NLRP7: variants seen among roughly 807,000 people sequenced by gnomAD.
The protein encoded by NLRP7 is NLR family pyrin domain containing 7.
NLRP7 carries 72 observed loss-of-function variants against 85.5 expected under a neutral mutation model. The observed-to-expected ratio is 0.84, with a 90% confidence interval of 0.70 to 1.02. The LOEUF (loss-of-function observed/expected upper bound fraction) is 1.02, where lower values mean the gene tolerates loss of function less well. Among genes scored for constraint, NLRP7 ranks in the 50% least tolerant of loss-of-function variants. The pLI is 0.00. For synonymous variants in NLRP7, 550 were observed against 505.2 expected, an observed-to-expected ratio of 1.09 and a Z score of -1.19; for missense variants, 1,243 against 1,219.5, an observed-to-expected ratio of 1.02 and a Z score of -0.29.
At chr19:54,939,933 C>A in exon 4 of NLRP7, 1 of 1,614,146 alleles carries the variant, frequency 6.2e-7, no homozygotes, top group Non-Finnish European at 8.5e-7. Context: ...ACCAGCAAGG[C>A]TGCCCTGGGT....
At chr19:54,943,225 G>GT (rs1569541266) in intron 1 of NLRP7, among the ~76,000 whole-genome samples, 1 of 152,078 alleles carries the variant, frequency 6.6e-6, no homozygotes, top group Non-Finnish European at 1.5e-5. Context: ...CAGGAGGATT[G>GT]TTTGAGCCTA....
At chr19:54,941,999 A>G (rs530097973) in intron 1 of NLRP7, among the ~76,000 whole-genome samples, 1 of 152,130 alleles carries the variant, frequency 6.6e-6, no homozygotes, top group Non-Finnish European at 1.5e-5. Context: ...CACGCCTGTA[A>G]TCCCAGCACT....
At chr19:54,923,783 G>A in exon 10 of NLRP7, 2 of 1,613,964 alleles carry the variant, frequency 1.2e-6, no homozygotes, top group Non-Finnish European at 1.7e-6. Flanking sequence ...TGCCCCGGAA[G>A]CATTGCAATC....
rs200338101 is a variant in NLRP7 at position 54,939,067 on chromosome 19, C to T, written c.1752G>A (p.Ala584=). Reference sequence around the variant, plus strand: ...CCTTGAACGGGGCCACCACCACCTTCGCCAGCTCCTCCTCCTGAGACTCAT... The same window carrying T: ...CCTTGAACGGGGCCACCACCACCTTTGCCAGCTCCTCCTCCTGAGACTCAT... Residue 584 remains alanine (A), a synonymous_variant, in exon 4 of 10, where the codon GCG becomes GCA. Coordinates refer to ENST00000340844, the Ensembl canonical transcript of NLRP7. The T allele has an allele frequency of 3.5e-4, 567 of 1,614,242 alleles. 7 individuals carry two copies. In the South Asian group the frequency reaches 5.9e-3, roughly 17 times the overall value.
chr19:54,941,699 G>T (rs1405898441), exon 2 of NLRP7: 3 of 1,612,734 alleles, frequency 1.9e-6, no homozygotes. Context: ...CACTCTAGCT[G>T]GGGCGATGTC....
rs776663961 is a variant in NLRP7 at position 54,934,448 on chromosome 19, C to T, written c.2471+41G>A. The stretch of plus-strand genomic sequence containing the variant: ...TGTTACCCTTTCTCTTCTATAGCCC[C>T]AGAACTAAACCAGAGCTGCCCATGG... On this transcript the variant is annotated intron_variant, in intron 7 of 9. Transcript: ENST00000340844. This position sits in a 1 kb window ranked among gnomAD's most constrained non-coding sequence, Gnocchi z 6.7. The T allele has an allele frequency of 2.5e-6, 4 of 1,607,496 alleles. No homozygotes were observed. The highest frequency in any genetic ancestry group is 2.6e-6 in the Non-Finnish European group (3 of 1,173,966).
intron 1 of NLRP7, among the ~76,000 whole-genome samples, chr19:54,963,169 G>C (rs1401397397): frequency 6.6e-6 from 1 of 152,018 alleles, no homozygotes; most frequent in Non-Finnish European, 1.5e-5. Context: ...GCCGTGGTGG[G>C]AAGATTGCTT....
chr19:54,955,041 T>C (rs993694219), intron 1 of NLRP7, among the ~76,000 whole-genome samples: 18 of 150,662 alleles, frequency 1.2e-4, no homozygotes, highest in African/African-American at 2.9e-4. Context: ...AAAAATATCA[T>C]TGGTGGCCGG....
At position 54,934,044 on chromosome 19, in the gene NLRP7, C is replaced by T. The variant is rs2068788386; in HGVS notation, c.2472-305G>A. Among the ~76,000 whole-genome samples, 1 of 152,150 alleles carries T rather than the reference C, an allele frequency of 6.6e-6. No individual in the cohort carries two copies. The highest frequency in any genetic ancestry group is 1.5e-5 in the Non-Finnish European group (1 of 68,004). ...TGCCAATCGCCGCCTCCCAGGTTTA[C>T]ACCATTCTGCTGACTCAGCCTCCTG... On this transcript the variant is annotated intron_variant, in intron 7 of 9. Coordinates refer to ENST00000340844, the Ensembl canonical transcript of NLRP7. This position sits in a 1 kb window ranked among gnomAD's most constrained non-coding sequence, Gnocchi z 6.7.
chr19:54,939,664 G>A (rs760976641), exon 4 of NLRP7: 30 of 1,612,520 alleles, frequency 1.9e-5, no homozygotes, highest in African/African-American at 2.7e-5. Flanking sequence ...TGAGGCAGGT[G>A]GGGACCGGGT....
chr19:54,955,910 C>G (rs2069835530), intron 1 of NLRP7, among the ~76,000 whole-genome samples: 1 of 152,026 alleles, frequency 6.6e-6, no homozygotes, highest in Non-Finnish European at 1.5e-5. Context: ...AAAATGCACT[C>G]CAGCCTAGAT....
chr19:54,936,014 A>G (rs182654975), intron 6 of NLRP7, among the ~76,000 whole-genome samples: 5 of 152,268 alleles, frequency 3.3e-5, no homozygotes, highest in Non-Finnish European at 7.4e-5. Flanking sequence ...CAGGAATAGC[A>G]TGTCCCTAAA....
At chr19:54,932,191 G>A (rs28391836) in intron 8 of NLRP7, among the ~76,000 whole-genome samples, 4,914 of 152,094 alleles carry the variant, frequency 0.032, 274 homozygotes, top group African/African-American at 0.11. Flanking sequence ...ACTTTGGGAG[G>A]CCGAGGCAGG....
chr19:54,960,967 G>A (rs952101974), intron 1 of NLRP7, among the ~76,000 whole-genome samples: 1 of 152,030 alleles, frequency 6.6e-6, no homozygotes, highest in African/African-American at 2.4e-5. Flanking sequence ...GGTCAAAGAA[G>A]AAATAACAAA....
At chr19:54,941,744 T>C in exon 2 of NLRP7, 1 of 1,596,222 alleles carries the variant, frequency 6.3e-7, no homozygotes, top group Non-Finnish European at 8.5e-7. Flanking sequence ...AGGTTAAGGC[T>C]GAAGAACTGG....
Position 54,935,978 on chromosome 19 carries a change from A to G in NLRP7, c.2300+283T>C, listed in dbSNP as rs2068905041. On this transcript the variant is annotated intron_variant, in intron 6 of 9. Coordinates refer to ENST00000340844, the Ensembl canonical transcript of NLRP7. ...AAAAGGCTGGGGGCCACTGCTCTCAATCCCAACAATTAGGCAAGGTGCAGT... is the reference window on the plus strand; with the variant it reads ...AAAAGGCTGGGGGCCACTGCTCTCAGTCCCAACAATTAGGCAAGGTGCAGT... 2.0e-5 allele frequency among the ~76,000 whole-genome samples: 3 copies of G among 152,166 alleles called. No individual in the cohort carries two copies. In the South Asian group the frequency reaches 6.2e-4, roughly 32 times the overall value.
rs1875285377 is a variant in NLRP7 at position 54,936,256 on chromosome 19, C to T, written c.2300+5G>A. The T allele has an allele frequency of 6.2e-7, 1 of 1,612,238 alleles. No individual in the cohort carries two copies. Among genetic ancestry groups the T allele is most frequent in the Non-Finnish European group, 8.5e-7 (1 of 1,179,438 alleles). On this transcript the variant is annotated splice_donor_5th_base_variant and intron_variant, in intron 6 of 9. Transcript: ENST00000340844. Reference sequence around the variant, plus strand: ...GCTGGGGAGAGCCGTGACCGTGAGACCCACCTCAGGTACTGCAGGTTGCAT... The same window carrying T: ...GCTGGGGAGAGCCGTGACCGTGAGATCCACCTCAGGTACTGCAGGTTGCAT...
chr19:54,955,632 T>C (rs2069826181), intron 1 of NLRP7, among the ~76,000 whole-genome samples: 1 of 151,672 alleles, frequency 6.6e-6, no homozygotes, highest in Non-Finnish European at 1.5e-5. Flanking sequence ...CTACAAAAAA[T>C]ACAAAAGTTA....
chr19:54,939,480 G>A, exon 4 of NLRP7: 2 of 1,613,958 alleles, frequency 1.2e-6, no homozygotes, highest in Non-Finnish European at 1.7e-6. Flanking sequence ...TCCAGGAACA[G>A]ACGGAGGTCG....
Sources: allele counts gnomAD v4.1 joint callset (sites outside exome capture counted in the v4.1 genomes callset), GRCh38; gene constraint gnomAD v4.1.1; non-coding constraint Gnocchi (gnomAD v3.1); transcripts MANE v1.5; gene names NCBI Gene and HGNC (gene_info 2026-07-23, HGNC 2026-07-21).